NLGN1: variants seen among roughly 807,000 people sequenced by gnomAD.
NLGN1 encodes neuroligin 1.
In NLGN1, 12 loss-of-function variants were observed where a neutral mutation model predicts 65.5. That is an observed-to-expected ratio of 0.18 (90% confidence interval 0.12 to 0.30). The LOEUF (loss-of-function observed/expected upper bound fraction) is 0.30, where lower values mean the gene tolerates loss of function less well. Ranked by LOEUF, NLGN1 falls within the 10% of genes least tolerant of loss-of-function variation. The pLI, the probability that NLGN1 is intolerant of heterozygous loss-of-function variation, is 1.00. For missense variants in NLGN1, 750 were observed against 1,007.1 expected (o/e 0.74, Z 3.46); for synonymous variants, 350 against 359.5 (o/e 0.97, Z 0.30).
At chr3:173,539,681 T>TATA in intron 2 of NLGN1, among the ~76,000 whole-genome samples, 1 of 98,792 alleles carries the variant, frequency 1.0e-5, no homozygotes, top group Middle Eastern at 7.0e-3. Context: ...ATATATAACA[T>TATA]ACATATATGT....
At chr3:173,447,613 T>G (rs1720629658) in intron 2 of NLGN1, among the ~76,000 whole-genome samples, 1 of 152,204 alleles carries the variant, frequency 6.6e-6, no homozygotes, top group Non-Finnish European at 1.5e-5. Flanking sequence ...ATTGGTAGCT[T>G]GATGGGGATG....
intron 4 of NLGN1, among the ~76,000 whole-genome samples, chr3:173,949,111 G>T (rs1747732578): frequency 6.6e-6 from 1 of 151,818 alleles, no homozygotes; most frequent in African/African-American, 2.4e-5. Context: ...GAGTAAATGA[G>T]AATTTAGAAA....
chr3:173,898,025 C>G (rs1736635054), intron 4 of NLGN1, among the ~76,000 whole-genome samples: 2 of 151,216 alleles, frequency 1.3e-5, no homozygotes, highest in African/African-American at 4.9e-5. Context: ...TATCATGATT[C>G]AATAGCAAAA....
At chr3:173,609,949 A>G (rs1164653103) in intron 3 of NLGN1, among the ~76,000 whole-genome samples, 1 of 151,960 alleles carries the variant, frequency 6.6e-6, no homozygotes. Context: ...TTAAGGAACA[A>G]TTAGGAATAT....
chr3:174,236,777 T>A (rs547454940), intron 4 of NLGN1, among the ~76,000 whole-genome samples: 36 of 152,224 alleles, frequency 2.4e-4, no homozygotes, highest in African/African-American at 8.7e-4. Flanking sequence ...GCACTCTATT[T>A]AGTCTTATTT....
intron 4 of NLGN1, among the ~76,000 whole-genome samples, chr3:174,120,303 T>G (rs1717478439): frequency 1.3e-5 from 2 of 151,564 alleles, no homozygotes; most frequent in African/African-American, 4.9e-5. Context: ...CTGGCCAACA[T>G]GGCAAAGCCC....
At chr3:173,484,085 A>G (rs1251123322) in intron 2 of NLGN1, among the ~76,000 whole-genome samples, 1 of 152,266 alleles carries the variant, frequency 6.6e-6, no homozygotes, top group South Asian at 2.1e-4. Context: ...ATAAAAGGCT[A>G]TAGGAAATTA....
chr3:173,688,297 GGC>G (rs1764970408), intron 3 of NLGN1, among the ~76,000 whole-genome samples: 1 of 152,130 alleles, frequency 6.6e-6, no homozygotes, highest in African/African-American at 2.4e-5. Flanking sequence ...ATTTGCTAAT[GGC>G]TCCTGAGGAT....
intron 4 of NLGN1, among the ~76,000 whole-genome samples, chr3:174,221,208 A>G (rs1738575879): frequency 6.6e-6 from 1 of 151,912 alleles, no homozygotes; most frequent in African/African-American, 2.4e-5. Flanking sequence ...TGGCCTTGGC[A>G]ACAGCACTGT....
At chr3:173,956,063 G>A (rs185630334) in intron 4 of NLGN1, among the ~76,000 whole-genome samples, 70 of 152,034 alleles carry the variant, frequency 4.6e-4, no homozygotes, top group East Asian at 2.1e-3. Context: ...ATAAGCTTTC[G>A]TAGAGCTTAT....
chr3:174,018,139 G>A (rs558203792), intron 4 of NLGN1, among the ~76,000 whole-genome samples: 23 of 152,236 alleles, frequency 1.5e-4, no homozygotes, highest in African/African-American at 5.5e-4. Context: ...ATTTGCTTTT[G>A]AAAGAAAAGA....
At chr3:174,065,725 AAAC>A (rs958639046) in intron 4 of NLGN1, among the ~76,000 whole-genome samples, 6 of 152,236 alleles carry the variant, frequency 3.9e-5, no homozygotes, top group African/African-American at 1.4e-4. Flanking sequence ...TTAAAAAAAA[AAAC>A]AACATGACAT....
At chr3:174,289,713 CATAAG>C (rs1427894041), downstream of NLGN1, among the ~76,000 whole-genome samples, 11 of 150,742 alleles carry the variant, frequency 7.3e-5, no homozygotes, top group African/African-American at 2.7e-4. Flanking sequence ...GTAATACATA[CATAAG>C]ATAAAACAAA....
chr3:174,027,477 T>C (rs1265729969), intron 4 of NLGN1, among the ~76,000 whole-genome samples: 1 of 152,146 alleles, frequency 6.6e-6, no homozygotes, highest in African/African-American at 2.4e-5. Flanking sequence ...GTCCACAATC[T>C]CTTTGGTGCC....
At chr3:173,447,367 G>A (rs1181275480) in intron 2 of NLGN1, among the ~76,000 whole-genome samples, 5 of 152,060 alleles carry the variant, frequency 3.3e-5, no homozygotes, top group Admixed American at 6.6e-5. Flanking sequence ...CAAAGATCAG[G>A]TAGTTGTAGA....
At chr3:173,893,778 A>C (rs147591616) in intron 4 of NLGN1, among the ~76,000 whole-genome samples, 1 of 152,130 alleles carries the variant, frequency 6.6e-6, no homozygotes, top group Non-Finnish European at 1.5e-5. Flanking sequence ...AAGCATAAAT[A>C]CAATTTTGTT....
chr3:173,636,155 ATTAG>A (rs1756551225), intron 3 of NLGN1, among the ~76,000 whole-genome samples: 1 of 152,156 alleles, frequency 6.6e-6, no homozygotes. Context: ...GTAGAATGTA[ATTAG>A]TTGGCGAAAG....
Position 173,426,611 on chromosome 3 carries a change from T to C in NLGN1, c.-389-8399T>C, listed in dbSNP as rs181624374. On this transcript the variant is annotated intron_variant, in intron 1 of 6. Transcript: ENST00000457714. Reference sequence around the variant, plus strand: ...AGGTTTTTGTCCTTCAGTCTGTTCATGTGCTATAGCACATTTATTTATTTA... The same window carrying C: ...AGGTTTTTGTCCTTCAGTCTGTTCACGTGCTATAGCACATTTATTTATTTA... 5.3e-5 allele frequency among the ~76,000 whole-genome samples: 8 copies of C among 151,788 alleles called. No homozygotes were observed. The East Asian group carries it at 5.8e-4, about 11-fold the overall frequency.
intron 4 of NLGN1, among the ~76,000 whole-genome samples, chr3:174,177,084 A>G (rs758263934): frequency 1.3e-5 from 2 of 152,096 alleles, no homozygotes; most frequent in South Asian, 4.1e-4. Context: ...GAGAAAATAT[A>G]CAAATATTAT....
Sources: gnomAD v4.1 joint callset for allele counts (sites outside exome capture counted in the v4.1 genomes callset) on GRCh38, gnomAD v4.1.1 for gene constraint, MANE v1.5 for transcripts, NCBI Gene and HGNC (gene_info 2026-07-23, HGNC 2026-07-21) for gene names.